Variants in IQGAP2 observed in about 807,000 individuals in gnomAD.
IQGAP2 encodes the protein ras GTPase-activating-like protein IQGAP2.
A neutral mutation model predicts 201.3 loss-of-function variants in IQGAP2; 173 were observed. That is an observed-to-expected ratio of 0.86 (90% CI 0.76 to 0.98). IQGAP2 has a LOEUF of 0.98. Among genes scored for constraint, IQGAP2 ranks in the 50% least tolerant of loss-of-function variants. The pLI is 0.00. For missense variants in IQGAP2, 1,687 were observed against 1,864.8 expected, an observed-to-expected ratio of 0.90 and a Z score of 1.76; for synonymous variants, 675 against 673.9, an observed-to-expected ratio of 1.00 and a Z score of -0.03.
intron 35 of IQGAP2, 130 bp downstream of exon 35, chr5:76,702,720 T>A: frequency 3.3e-5 from 13 of 394,526 alleles, no homozygotes; most frequent in South Asian, 1.0e-4. Context: ...TATTTGCCAA[T>A]ATTTGTTAAG....
chr5:76,609,477 TC>T (rs1349158640), intron 12 of IQGAP2, among the ~76,000 whole-genome samples: 4 of 152,222 alleles, frequency 2.6e-5, no homozygotes, highest in African/African-American at 9.6e-5. Context: ...TTAGATGGTT[TC>T]ATTCTTCTTA....
At chr5:76,426,933 T>TGTGA (rs1554054717) in intron 1 of IQGAP2, among the ~76,000 whole-genome samples, 5 of 151,842 alleles carry the variant, frequency 3.3e-5, no homozygotes, top group African/African-American at 1.2e-4. Flanking sequence ...TGTGTGTGTG[T>TGTGA]GTGAGTGTGT....
At chr5:76,679,114 A>G (rs543459900) in intron 28 of IQGAP2, among the ~76,000 whole-genome samples, 14 of 152,330 alleles carry the variant, frequency 9.2e-5, no homozygotes, top group African/African-American at 3.4e-4. Flanking sequence ...GTGGTACATT[A>G]TCTGTCTTCA....
intron 2 of IQGAP2, among the ~76,000 whole-genome samples, chr5:76,523,169 C>T (rs1053912380): frequency 2.0e-5 from 3 of 146,656 alleles, no homozygotes; most frequent in African/African-American, 7.6e-5. Flanking sequence ...ACTGCAGCCT[C>T]AACCTCCCAT....
chr5:76,579,718 G>A (rs1438449715), intron 5 of IQGAP2, among the ~76,000 whole-genome samples: 1 of 151,906 alleles, frequency 6.6e-6, no homozygotes, highest in Admixed American at 6.6e-5. Context: ...GGGAGACAAG[G>A]GATTGACTGT....
intron 13 of IQGAP2, chr5:76,615,688 A>G (rs1425314483): frequency 6.6e-6 from 1 of 152,116 alleles, no homozygotes; most frequent in African/African-American, 2.4e-5. Flanking sequence ...CTGTCTAATC[A>G]CTAATGTCTT....
At chr5:76,447,961 A>G (rs1308319306) in intron 1 of IQGAP2, among the ~76,000 whole-genome samples, 1 of 152,078 alleles carries the variant, frequency 6.6e-6, no homozygotes, top group Non-Finnish European at 1.5e-5. Context: ...TGTTCATTCC[A>G]TGTGTTTCCT....
chr5:76,583,800 A>G (rs552389884), intron 5 of IQGAP2, among the ~76,000 whole-genome samples: 7 of 152,352 alleles, frequency 4.6e-5, no homozygotes, highest in African/African-American at 1.7e-4. Context: ...TAAACATTTT[A>G]CTTCATGTTA....
chr5:76,651,532 G>C (rs888195453), intron 17 of IQGAP2, among the ~76,000 whole-genome samples: 3 of 152,206 alleles, frequency 2.0e-5, no homozygotes, highest in African/African-American at 7.2e-5. Context: ...GAGCCCAGGA[G>C]GTGGAGGCTG....
At chr5:76,412,896 A>G (rs1751200066) in intron 1 of IQGAP2, among the ~76,000 whole-genome samples, 1 of 152,188 alleles carries the variant, frequency 6.6e-6, no homozygotes, top group Non-Finnish European at 1.5e-5. Context: ...TGTAAGTGGA[A>G]AATGCATCAT....
At chr5:76,497,889 A>G (rs962291367) in intron 2 of IQGAP2, among the ~76,000 whole-genome samples, 2 of 152,196 alleles carry the variant, frequency 1.3e-5, no homozygotes, top group Admixed American at 6.5e-5. Context: ...TCTGCTGTAC[A>G]CAGGTGTACT....
chr5:76,694,809 A>G (rs1746579591), intron 31 of IQGAP2, among the ~76,000 whole-genome samples: 1 of 152,258 alleles, frequency 6.6e-6, no homozygotes, highest in African/African-American at 2.4e-5. Flanking sequence ...GGGAAGACCA[A>G]TAGTCTCTTT....
At position 76,695,504 on chromosome 5, in the gene IQGAP2, G is replaced by A; in HGVS notation, c.4044G>A (p.Arg1348=). The stretch of plus-strand genomic sequence containing the variant: ...TGAGCCGTGCAATGATAGATTCCAG[G>A]ACTCCAGAAGAAATGAAGCATAGCC... ...DMVSRAMIDS[R]TPEEMKHSQS... Residue 1348 remains arginine, a synonymous_variant, in exon 32 of 36, where the codon AGG becomes AGA. Transcript: ENST00000274364. The A allele has an allele frequency of 6.2e-7, 1 of 1,614,132 alleles. No homozygotes were observed.
At chr5:76,427,854 T>C (rs539763594) in intron 1 of IQGAP2, among the ~76,000 whole-genome samples, 1 of 152,350 alleles carries the variant, frequency 6.6e-6, no homozygotes, top group Non-Finnish European at 1.5e-5. Flanking sequence ...GGGGGCAGCA[T>C]AAGCTTTCAG....
chr5:76,508,130 A>C (rs2150177877), intron 2 of IQGAP2, among the ~76,000 whole-genome samples: 1 of 151,908 alleles, frequency 6.6e-6, no homozygotes, highest in East Asian at 1.9e-4. Context: ...CAGGAGTTCA[A>C]GAGCAGCCTG....
Position 76,592,865 on chromosome 5 carries a change from G to A in IQGAP2, c.847G>A (p.Asp283Asn), listed in dbSNP as rs1338558134. Residue 283 changes from aspartate to asparagine, a missense_variant, in exon 9 of 36, where the codon GAT (aspartate) becomes AAT (asparagine). By Grantham distance (23) the Asp-to-Asn change is conservative. Coordinates refer to ENST00000274364, the MANE Select transcript of IQGAP2 (RefSeq NM_006633.5). The stretch of plus-strand genomic sequence containing the variant: ...TAGCTGTATTTCAGAAGAAGAAAGA[G>A]ATGCTTATGAAGAACTGCTGACACA... Reference protein sequence around the residue: ...KNSCISEEERDAYEELLTQAE... With the variant: ...KNSCISEEERNAYEELLTQAE... 2 of 1,611,668 alleles carry A rather than the reference G, an allele frequency of 1.2e-6. No homozygotes were observed. Among genetic ancestry groups the A allele is most frequent in the South Asian group, 1.1e-5 (1 of 90,978 alleles).
intron 13 of IQGAP2, chr5:76,624,510 A>G (rs1204209278): frequency 6.6e-6 from 1 of 152,238 alleles, no homozygotes; most frequent in Non-Finnish European, 1.5e-5. Context: ...CTTCAACTAC[A>G]TAATATATGG....
intron 2 of IQGAP2, among the ~76,000 whole-genome samples, chr5:76,531,492 T>C (rs930495473): frequency 6.6e-5 from 10 of 152,164 alleles, no homozygotes; most frequent in African/African-American, 2.4e-4. Flanking sequence ...TCAAGCTCTT[T>C]TGATAGCAGC....
chr5:76,539,096 C>G (rs915764825), intron 2 of IQGAP2, among the ~76,000 whole-genome samples: 1 of 152,228 alleles, frequency 6.6e-6, no homozygotes, highest in Non-Finnish European at 1.5e-5. Context: ...CAGGCTTCAA[C>G]TCCTCCTTCT....
Sources: gnomAD v4.1 joint callset for allele counts (sites outside exome capture counted in the v4.1 genomes callset) on GRCh38, gnomAD v4.1.1 for gene constraint, MANE v1.5 for transcripts, NCBI Gene and HGNC (gene_info 2026-07-23, HGNC 2026-07-21) for gene names.